AXDND1: variants seen among roughly 807,000 people sequenced by gnomAD.
AXDND1 encodes axonemal dynein light chain domain-containing protein 1.
A neutral mutation model predicts 137.5 loss-of-function variants in AXDND1; 110 were observed. The ratio of observed to expected loss-of-function variants is 0.80; its 90% confidence interval spans 0.69 to 0.94. The LOEUF is 0.94. Ranked by LOEUF, AXDND1 falls within the 40% of genes least tolerant of loss-of-function variation. The pLI, the probability that AXDND1 is intolerant of heterozygous loss-of-function variation, is 0.00. For missense variants in AXDND1, 1,191 were observed against 1,169.8 expected (o/e 1.02, Z -0.26); for synonymous variants, 414 against 399.7 (o/e 1.04, Z -0.43).
At chr1:179,486,139 A>AAAAAAAAAAAACT (rs149119239) in intron 18 of AXDND1, among the ~76,000 whole-genome samples, 6 of 87,804 alleles carry the variant, frequency 6.8e-5, no homozygotes, top group African/African-American at 1.5e-4. Flanking sequence ...AAAAAAAAAA[A>AAAAAAAAAAAACT]AACCTGATAG....
intron 25 of AXDND1, among the ~76,000 whole-genome samples, chr1:179,539,633 C>T (rs988757163): frequency 6.6e-6 from 1 of 152,198 alleles, no homozygotes; most frequent in East Asian, 1.9e-4. Flanking sequence ...TTTTTTCCTT[C>T]ATTTCAATCT....
chr1:179,554,641 G>A lies in AXDND1; in HGVS notation c.*122G>A. Reference sequence around the variant, plus strand: ...CTAAGGAACAACATTCCCTTTGAAAGGACATTATTTGCCTGTTGTATTTAA... The same window carrying A: ...CTAAGGAACAACATTCCCTTTGAAAAGACATTATTTGCCTGTTGTATTTAA... On this transcript the variant is annotated 3_prime_UTR_variant, in exon 26 of 26. Transcript: ENST00000367618. The A allele has an allele frequency of 6.8e-7, 1 of 1,471,508 alleles. No homozygotes were observed. Among genetic ancestry groups the A allele is most frequent in the South Asian group, 1.1e-5 (1 of 87,326 alleles). The allele number at this position is 1,471,508 out of a possible 1,614,324, so 91.2% of individuals were successfully genotyped here.
rs759479257 is a variant in AXDND1, at chr1:179,483,136, A to G, written c.2006A>G (p.Gln669Arg). 1.9e-6 allele frequency: 3 copies of G among 1,596,078 alleles called. No individual in the cohort carries two copies. The Admixed American group carries it at 5.2e-5, about 28-fold the overall frequency. ...CTTGATTTTTCCTTCAGGGTACTCC[A>G]AGCGTATATATTTAACATGATTCAA... ...HIDVDSVSVL[Q>R]AYIFNMIQQW... Residue 669 changes from glutamine (Q) to arginine (R), a missense_variant, in exon 18 of 26, where the codon CAA becomes CGA. Physicochemically the swap from Gln to Arg is conservative, Grantham distance 43 (BLOSUM62 1). Coordinates refer to ENST00000367618, the MANE Select transcript of AXDND1 (RefSeq NM_144696.6).
chr1:179,448,806 A>G (rs1660098375), intron 16 of AXDND1: 1 of 161,734 alleles, frequency 6.2e-6, no homozygotes. Flanking sequence ...TCCTAAATTT[A>G]AAGTCATGAA....
chr1:179,434,512 G>A (rs1657851752), intron 15 of AXDND1, among the ~76,000 whole-genome samples: 1 of 152,176 alleles, frequency 6.6e-6, no homozygotes, highest in African/African-American at 2.4e-5. Flanking sequence ...CCATGATCAA[G>A]TCGGCTTTAT....
At chr1:179,541,042 C>T (rs1009850714) in intron 25 of AXDND1, among the ~76,000 whole-genome samples, 3 of 152,220 alleles carry the variant, frequency 2.0e-5, no homozygotes, top group Non-Finnish European at 4.4e-5. Flanking sequence ...GCTCCAGCAT[C>T]CCAGTTCTAT....
In AXDND1 at chr1:179,508,831, T is replaced by C. The variant is rs183975675; in HGVS notation, c.2389-465T>C. Among the ~76,000 whole-genome samples, 15 of 152,260 alleles carry C rather than the reference T, an allele frequency of 9.9e-5. No individual in the cohort carries two copies. The East Asian group carries it at 2.7e-3, about 27-fold the overall frequency. ...TACTCAATTTCTCAGTTTCCTCATC[T>C]TAAAAAATGAGGATAATAATAGTTA... On this transcript the variant is annotated intron_variant, in intron 20 of 25. Transcript: ENST00000367618.
intron 16 of AXDND1, chr1:179,456,014 C>CA: frequency 2.8e-6 from 1 of 354,000 alleles, no homozygotes; most frequent in Admixed American, 3.7e-5. Context: ...TCACAGAACA[C>CA]AAACTAAAAT....
chr1:179,385,441 A>G, intron 9 of AXDND1, 82 bp downstream of exon 9: 1 of 1,474,078 alleles, frequency 6.8e-7, no homozygotes. Flanking sequence ...TGAGAATGCC[A>G]CAAAAGTGCA....
intron 6 of AXDND1, among the ~76,000 whole-genome samples, chr1:179,380,049 A>G (rs2125080229): frequency 6.6e-6 from 1 of 152,110 alleles, no homozygotes; most frequent in Admixed American, 6.6e-5. Context: ...GGAGATCAAG[A>G]CCATCCTGGC....
chr1:179,488,351 A>C (rs1666320463), intron 18 of AXDND1, among the ~76,000 whole-genome samples: 1 of 148,458 alleles, frequency 6.7e-6, no homozygotes, highest in Non-Finnish European at 1.5e-5. Flanking sequence ...CCATAGTATA[A>C]GTTTCTTTTG....
chr1:179,545,873 TGGTTTTGTTACAAGCACCTACTCTTGCAA>T (rs1444056366), intron 25 of AXDND1: 1 of 151,954 alleles, frequency 6.6e-6, no homozygotes, highest in Non-Finnish European at 1.5e-5. Flanking sequence ...TTAGCTGAGG[TGGTTTTGTTACAAGCACCTACTCTTGCAA>T]GCCCATGAAA....
rs1451374635 is a variant in AXDND1 at position 179,379,814 on chromosome 1, A to AGAAAG, written c.581+332_581+333insGAAAG. ...TCCATCTCAAAAAAAAAAAAAAAAA[A>AGAAAG]AAAGAAAGAATACCTGACAAGTTGA... On this transcript the variant is annotated intron_variant, in intron 6 of 25. Coordinates refer to ENST00000367618, the MANE Select transcript of AXDND1 (RefSeq NM_144696.6). Among the ~76,000 whole-genome samples, 13 of 147,608 alleles carry AGAAAG rather than the reference A, an allele frequency of 8.8e-5. No individual in the cohort carries two copies. In the Admixed American group the frequency reaches 8.9e-4, roughly 10 times the overall value.
chr1:179,538,833 C>A (rs1433557252), intron 25 of AXDND1, among the ~76,000 whole-genome samples: 2 of 151,452 alleles, frequency 1.3e-5, no homozygotes, highest in African/African-American at 4.8e-5. Flanking sequence ...GTCTAAGTCT[C>A]TTTGTAGGTC....
At chr1:179,374,196 T>A (rs1249947343) in intron 4 of AXDND1, among the ~76,000 whole-genome samples, 1 of 152,230 alleles carries the variant, frequency 6.6e-6, no homozygotes, top group Non-Finnish European at 1.5e-5. Context: ...AAAGAAGATA[T>A]TCATGCAGCC....
At chr1:179,465,358 C>A (rs1429903211) in intron 16 of AXDND1, among the ~76,000 whole-genome samples, 1 of 152,246 alleles carries the variant, frequency 6.6e-6, no homozygotes, top group East Asian at 1.9e-4. Flanking sequence ...CCCTCAGCTG[C>A]AGGTCTGTTG....
At chr1:179,552,554 G>A (rs370992319) in intron 25 of AXDND1, 31 of 1,423,746 alleles carry the variant, frequency 2.2e-5, no homozygotes, top group South Asian at 5.8e-5. Flanking sequence ...TGTTCTCCAC[G>A]AGCAGGCCTT....
intron 18 of AXDND1, among the ~76,000 whole-genome samples, chr1:179,483,515 A>C (rs755097595): frequency 2.0e-5 from 3 of 152,214 alleles, no homozygotes; most frequent in East Asian, 1.9e-4. Context: ...AAAATGAATA[A>C]GAAAAAGGGT....
chr1:179,521,042 G>A (rs1426601561), intron 21 of AXDND1, among the ~76,000 whole-genome samples: 1 of 151,906 alleles, frequency 6.6e-6, no homozygotes, highest in Non-Finnish European at 1.5e-5. Context: ...GTTCACTGCA[G>A]CCTTGACTTC....
Sources: gnomAD v4.1 joint callset for allele counts (sites outside exome capture counted in the v4.1 genomes callset) on GRCh38, gnomAD v4.1.1 for gene constraint, MANE v1.5 for transcripts, NCBI Gene and HGNC (gene_info 2026-07-23, HGNC 2026-07-21) for gene names.